CYTH1: variants seen among roughly 807,000 people sequenced by gnomAD.
The protein encoded by CYTH1 is cytohesin 1, also known as cytohesin-1.
In CYTH1, 18 loss-of-function variants were observed where a neutral mutation model predicts 61.8. That is an observed-to-expected ratio of 0.29 (90% CI 0.20 to 0.43). The LOEUF is 0.43. CYTH1 is among the 20% of genes least tolerant of loss of function. CYTH1 has a pLI of 1.00. For missense variants in CYTH1, 336 were observed against 510.5 expected (o/e 0.66, Z 3.29); for synonymous variants, 174 against 184.3 (o/e 0.94, Z 0.45).
chr17:78,780,068 C>T (rs2093510650), intron 1 of CYTH1, among the ~76,000 whole-genome samples: 1 of 152,230 alleles, frequency 6.6e-6, no homozygotes, highest in Non-Finnish European at 1.5e-5. Context: ...GCCTGGTAGG[C>T]AGGACACTGG....
chr17:78,760,460 CATAT>C lies in CYTH1; in HGVS notation c.22+21738_22+21741del, dbSNP rs1273141940. On this transcript the variant is annotated intron_variant, in intron 1 of 13. Coordinates refer to ENST00000446868, the MANE Select transcript of CYTH1 (RefSeq NM_004762.6). Reference sequence around the variant, plus strand: ...ATATATATGTATATATATATACATACATATATATATGTATATATATGTATGTATA... The same window carrying C: ...ATATATATGTATATATATATACATACATATATGTATATATATGTATGTATA... 9.5e-5 allele frequency among the ~76,000 whole-genome samples: 3 copies of C among 31,530 alleles called. 1 individual carries two copies. Among genetic ancestry groups the C allele is most frequent in the African/African-American group, 4.1e-4 (3 of 7,314 alleles). The allele number at this position is 31,530 out of a possible 152,430, so 20.7% of individuals were successfully genotyped here.
chr17:78,765,771 G>A (rs943717318), intron 1 of CYTH1, among the ~76,000 whole-genome samples: 1 of 152,194 alleles, frequency 6.6e-6, no homozygotes, highest in Non-Finnish European at 1.5e-5. Flanking sequence ...CCAAGAACCA[G>A]AGTCCACAGC....
At chr17:78,736,340 A>C (rs1370438281) in intron 1 of CYTH1, among the ~76,000 whole-genome samples, 1 of 152,140 alleles carries the variant, frequency 6.6e-6, no homozygotes, top group Non-Finnish European at 1.5e-5. Context: ...AACGAAAGCA[A>C]AGATTGGAGG....
chr17:78,690,017 G>C (rs1298160368), intron 11 of CYTH1, among the ~76,000 whole-genome samples: 5 of 151,670 alleles, frequency 3.3e-5, no homozygotes, highest in African/African-American at 7.3e-5. Context: ...CCCTTCCCCT[G>C]CTTGGTTGCT....
chr17:78,690,745 T>C (rs1464192661), intron 11 of CYTH1, among the ~76,000 whole-genome samples: 1 of 151,994 alleles, frequency 6.6e-6, no homozygotes, highest in Non-Finnish European at 1.5e-5. Flanking sequence ...CTTGATAAAA[T>C]GCTACACTTT....
At chr17:78,742,095 A>G (rs1218617006) in intron 1 of CYTH1, among the ~76,000 whole-genome samples, 1 of 152,224 alleles carries the variant, frequency 6.6e-6, no homozygotes, top group Non-Finnish European at 1.5e-5. Context: ...ATCCTGTAAA[A>G]TGCTGCAACA....
intron 11 of CYTH1, among the ~76,000 whole-genome samples, chr17:78,690,287 C>A (rs914457357): frequency 1.3e-4 from 20 of 149,404 alleles, no homozygotes; most frequent in African/African-American, 4.9e-4. Context: ...CCAGCTACTC[C>A]GGAGGCCGAG....
At position 78,700,244 on chromosome 17, in the gene CYTH1, C is replaced by A; in HGVS notation, c.550+87G>T. The stretch of plus-strand genomic sequence containing the variant: ...AAACGTTCCTAGGCATGAATCTCAG[C>A]CCTTTTGTTTTAGAAATTATCTGGT... On this transcript the variant is annotated intron_variant, in intron 7 of 13. Transcript: ENST00000446868. This position sits in a 1 kb window ranked among gnomAD's most constrained non-coding sequence, Gnocchi z 5.1. 1 of 1,164,376 alleles carries A rather than the reference C, an allele frequency of 8.6e-7. No individual in the cohort carries two copies. 72.1% of individuals were successfully genotyped at this position (1,164,376 alleles called of 1,614,324 possible).
intron 1 of CYTH1, among the ~76,000 whole-genome samples, chr17:78,731,983 C>T (rs1167727463): frequency 2.0e-5 from 3 of 152,152 alleles, no homozygotes; most frequent in Non-Finnish European, 4.4e-5. Context: ...GTTCTGTCAG[C>T]CTGCAGCCAC....
chr17:78,758,727 A>C (rs1388398117), intron 1 of CYTH1, among the ~76,000 whole-genome samples: 1 of 152,030 alleles, frequency 6.6e-6, no homozygotes, highest in Non-Finnish European at 1.5e-5. Flanking sequence ...AAAAACAAAA[A>C]AGAAAGAAAA....
chr17:78,689,103 G>A (rs1199709511), intron 11 of CYTH1, among the ~76,000 whole-genome samples: 1 of 152,124 alleles, frequency 6.6e-6, no homozygotes, highest in African/African-American at 2.4e-5. Flanking sequence ...ATAAAATAAC[G>A]GGCAGGCCAT....
At chr17:78,711,219 G>A (rs1482451581) in intron 1 of CYTH1, among the ~76,000 whole-genome samples, 2 of 150,948 alleles carry the variant, frequency 1.3e-5, no homozygotes, top group Admixed American at 6.6e-5. Flanking sequence ...CCGAGATCCC[G>A]CCATTGCCCT....
chr17:78,772,365 G>A (rs2093474771), intron 1 of CYTH1, among the ~76,000 whole-genome samples: 1 of 152,054 alleles, frequency 6.6e-6, no homozygotes, highest in Admixed American at 6.6e-5. Flanking sequence ...GAAATAAGAA[G>A]GCAATCTTCT....
intron 1 of CYTH1, among the ~76,000 whole-genome samples, chr17:78,762,037 T>G (rs951768563): frequency 6.6e-6 from 1 of 152,230 alleles, no homozygotes; most frequent in Admixed American, 6.5e-5. Flanking sequence ...AAACAGCAGA[T>G]TTCTGGAAAA....
At chr17:78,774,912 ACT>A (rs1007190548) in intron 1 of CYTH1, among the ~76,000 whole-genome samples, 1 of 151,948 alleles carries the variant, frequency 6.6e-6, no homozygotes, top group Non-Finnish European at 1.5e-5. Context: ...AGAAGAAACT[ACT>A]CTCTTTTCTT....
At chr17:78,711,878 C>CT (rs2093136052) in intron 1 of CYTH1, among the ~76,000 whole-genome samples, 1 of 151,684 alleles carries the variant, frequency 6.6e-6, no homozygotes, top group Non-Finnish European at 1.5e-5. Flanking sequence ...CCCATTGGGA[C>CT]CAGCATGGAC....
chr17:78,682,513 G>A lies in CYTH1; in HGVS notation c.892-1471C>T, dbSNP rs61109151. 2.8e-3 allele frequency among the ~76,000 whole-genome samples: 428 copies of A among 152,222 alleles called. 1 individual carries two copies. Among genetic ancestry groups the A allele is most frequent in the African/African-American group, 9.8e-3 (408 of 41,538 alleles). ...TCTTCCCTCCTCTCTTGAAACAAGA[G>A]GTTTCAAGATCTCTGGTTTCCTACA... On this transcript the variant is annotated intron_variant, in intron 11 of 13. Coordinates refer to ENST00000446868, the MANE Select transcript of CYTH1 (RefSeq NM_004762.6).
rs2092686068 is a variant in CYTH1 at position 78,675,312 on chromosome 17, G to C, written c.*779C>G. On this transcript the variant is annotated 3_prime_UTR_variant, in exon 14 of 14. Transcript: ENST00000446868. ...TCTCCTCGGCGCTCCGCAGGCACTT[G>C]GGATGGAAAAGCATCCGCGGGAGAT... is the stretch of plus-strand genomic sequence containing the variant. 6.6e-6 allele frequency: 1 copy of C among 152,316 alleles called. No individual in the cohort carries two copies. The highest frequency in any genetic ancestry group is 2.1e-4 in the South Asian group (1 of 4,840). The allele number at this position is 152,316 out of a possible 1,614,324, so 9.4% of individuals were successfully genotyped here.
chr17:78,695,253 G>A (rs770378791), intron 10 of CYTH1, among the ~76,000 whole-genome samples: 4 of 152,142 alleles, frequency 2.6e-5, no homozygotes, highest in Non-Finnish European at 5.9e-5. Context: ...GGGCTTTAAC[G>A]AGGACTCGCT....
Sources: allele counts gnomAD v4.1 joint callset (sites outside exome capture counted in the v4.1 genomes callset), GRCh38; gene constraint gnomAD v4.1.1; non-coding constraint Gnocchi (gnomAD v3.1); transcripts MANE v1.5; gene names NCBI Gene and HGNC (gene_info 2026-07-23, HGNC 2026-07-21).